DNAH17: variants seen among roughly 807,000 people sequenced by gnomAD.
DNAH17 encodes dynein axonemal heavy chain 17.
DNAH17 carries 376 observed loss-of-function variants against 485.6 expected under a neutral mutation model. That is an observed-to-expected ratio of 0.77 (90% CI 0.71 to 0.84). The LOEUF (loss-of-function observed/expected upper bound fraction) is 0.84, where lower values mean the gene tolerates loss of function less well. DNAH17 is among the 40% of genes least tolerant of loss of function. The probability of loss-of-function intolerance (pLI) is 0.00; values close to 1 mark genes in which losing one functional copy is unlikely to be tolerated. For missense variants in DNAH17, 6,370 were observed against 5,839.3 expected, an observed-to-expected ratio of 1.09 and a Z score of -2.96; for synonymous variants, 3,031 against 2,405.9, an observed-to-expected ratio of 1.26 and a Z score of -7.60.
chr17:78,546,913 A>AAG (rs1555691082), intron 16 of DNAH17, among the ~76,000 whole-genome samples: 2 of 110,752 alleles, frequency 1.8e-5, no homozygotes, highest in Non-Finnish European at 4.2e-5. Context: ...TCAAGAAAGA[A>AAG]AAAAAAAAAT....
chr17:78,456,684 G>C (rs562070126), intron 62 of DNAH17, among the ~76,000 whole-genome samples: 11 of 152,216 alleles, frequency 7.2e-5, no homozygotes, highest in Non-Finnish European at 1.6e-4. Flanking sequence ...CATGTTTGTT[G>C]CAAGTCCAGG....
At chr17:78,544,661 G>A (rs528640774) in intron 16 of DNAH17, among the ~76,000 whole-genome samples, 20 of 152,006 alleles carry the variant, frequency 1.3e-4, no homozygotes, top group South Asian at 2.1e-4. Flanking sequence ...AATTAGCCGC[G>A]CATGGTGGCG....
intron 44 of DNAH17, among the ~76,000 whole-genome samples, chr17:78,488,028 T>C (rs577331566): frequency 1.3e-3 from 196 of 152,288 alleles, no homozygotes; most frequent in Non-Finnish European, 2.4e-3. Context: ...CCAAGTCCAG[T>C]TGGTCTTCAG....
intron 14 of DNAH17, among the ~76,000 whole-genome samples, chr17:78,554,366 G>A (rs1160520184): frequency 7.4e-6 from 1 of 135,526 alleles, no homozygotes; most frequent in African/African-American, 2.8e-5. Context: ...GAACCCAGGA[G>A]GTGAAGGTTG....
intron 71 of DNAH17, among the ~76,000 whole-genome samples, chr17:78,443,424 G>A (rs189544823): frequency 1.7e-3 from 261 of 152,222 alleles, no homozygotes; most frequent in African/African-American, 5.9e-3. Flanking sequence ...AGTGACTTCT[G>A]GCTTCATTCC....
chr17:78,444,460 G>T, intron 71 of DNAH17, 144 bp downstream of exon 71: 1 of 764,590 alleles, frequency 1.3e-6, no homozygotes, highest in Non-Finnish European at 2.0e-6. Flanking sequence ...TCTAAGCCCT[G>T]TTTCGTTTCT....
chr17:78,475,937 C>A, intron 52 of DNAH17, 104 bp from the exon 53 acceptor site: 4 of 1,304,640 alleles, frequency 3.1e-6, no homozygotes, highest in Non-Finnish European at 4.1e-6. Context: ...TAGGAGGTCA[C>A]CACGGGGTCC....
Position 78,502,294 on chromosome 17 carries a change from T to C in DNAH17, c.5190+297A>G, listed in dbSNP as rs573411982. Reference sequence around the variant, plus strand: ...TTTTCAAGATGATCTTTTGTTTCCATATTTCTAACCAAGGACATTTTTTTT... The same window carrying C: ...TTTTCAAGATGATCTTTTGTTTCCACATTTCTAACCAAGGACATTTTTTTT... On this transcript the variant is annotated intron_variant, in intron 33 of 80. Coordinates refer to ENST00000389840, the MANE Select transcript of DNAH17 (RefSeq NM_173628.4). 404 of 351,314 alleles carry C rather than the reference T, an allele frequency of 1.1e-3. 2 individuals are homozygous for C. Among genetic ancestry groups the C allele is most frequent in the African/African-American group, 8.2e-3 (384 of 46,698 alleles). The allele number at this position is 351,314 out of a possible 1,614,324, so 21.8% of individuals were successfully genotyped here.
chr17:78,468,959 GA>G (rs1361728152), intron 54 of DNAH17, 76 bp from the exon 55 acceptor site: 53 of 1,514,424 alleles, frequency 3.5e-5, no homozygotes, highest in Non-Finnish European at 4.6e-5. Context: ...CAACCAACCA[GA>G]GCACAGGGCC....
Position 78,455,820 on chromosome 17 carries a change from C to A in DNAH17, c.9994G>T (p.Ala3332Ser). The A allele has an allele frequency of 6.2e-7, 1 of 1,604,228 alleles. No individual in the cohort carries two copies. Among genetic ancestry groups the A allele is most frequent in the East Asian group, 2.3e-5 (1 of 44,436 alleles). ...TCAGCCCAGCGGATGTTTTCCGATG[C>A]TAATCCCCCGACCAGCCTAAAGTGG... ...LLANRLVGGLASENIRWAESV... is the reference protein window; with the variant it reads ...LLANRLVGGLSSENIRWAESV... The change falls in exon 63 of 81, where the codon GCA becomes TCA. Residue 3332 changes from alanine (A) to serine (S), a missense_variant. By Grantham distance (99) the Ala-to-Ser change is moderately conservative (BLOSUM62 1). Coordinates refer to ENST00000389840, the MANE Select transcript of DNAH17 (RefSeq NM_173628.4).
chr17:78,538,483 T>C (rs1251283740), intron 18 of DNAH17, among the ~76,000 whole-genome samples: 1 of 152,124 alleles, frequency 6.6e-6, no homozygotes, highest in Admixed American at 6.5e-5. Context: ...GACCTGTGGG[T>C]TATGAGCTTT....
Position 78,458,996 on chromosome 17 carries a change from C to T in DNAH17, c.9861+5G>A. Reference sequence around the variant, plus strand: ...TCGCAGGGACGGGAGCGAGCCGGCACTTACGGCAATCTTGTTTTTGATCCG... The same window carrying T: ...TCGCAGGGACGGGAGCGAGCCGGCATTTACGGCAATCTTGTTTTTGATCCG... On this transcript the variant is annotated splice_donor_5th_base_variant and intron_variant, in intron 61 of 80. Transcript: ENST00000389840. 1 of 1,614,006 alleles carries T rather than the reference C, an allele frequency of 6.2e-7. No homozygotes were observed. The highest frequency in any genetic ancestry group is 8.5e-7 in the Non-Finnish European group (1 of 1,179,890).
At chr17:78,471,353 G>T (rs966622234) in intron 54 of DNAH17, among the ~76,000 whole-genome samples, 7 of 152,228 alleles carry the variant, frequency 4.6e-5, no homozygotes, top group African/African-American at 1.7e-4. Flanking sequence ...TGGGCCGCAG[G>T]TGGGACTTGA....
chr17:78,483,392 G>A (rs1158333817), intron 48 of DNAH17, among the ~76,000 whole-genome samples: 2 of 152,208 alleles, frequency 1.3e-5, no homozygotes, highest in Non-Finnish European at 2.9e-5. Context: ...CACTTTGGGA[G>A]CCCGAGGCGG....
chr17:78,475,554 T>C lies in DNAH17; in HGVS notation c.8320-85A>G. 3.1e-6 allele frequency: 5 copies of C among 1,601,142 alleles called. No homozygotes were observed. The Admixed American group carries it at 5.1e-5, about 16-fold the overall frequency. On this transcript the variant is annotated intron_variant, in intron 53 of 80. Coordinates refer to ENST00000389840, the MANE Select transcript of DNAH17 (RefSeq NM_173628.4). ...AGCACGGACTCTGCACATGCTGAGG[T>C]GTGCACTGTGTGCCACGCAGCCCCA...
intron 54 of DNAH17, chr17:78,472,588 C>A: frequency 2.8e-6 from 1 of 355,474 alleles, no homozygotes; most frequent in Non-Finnish European, 5.8e-6. Flanking sequence ...GAAGGTTTCA[C>A]AGAAATAAAA....
chr17:78,544,037 G>T (rs373299270), intron 16 of DNAH17, 40 bp from the exon 17 acceptor site: 3 of 1,612,682 alleles, frequency 1.9e-6, no homozygotes, highest in Non-Finnish European at 2.5e-6. Flanking sequence ...GTGTTCTGGA[G>T]AAACTGCTTT....
rs534994820 is a variant in DNAH17, at chr17:78,523,399, C to G, written c.3864+1610G>C. On this transcript the variant is annotated intron_variant, in intron 25 of 80. Coordinates refer to ENST00000389840, the MANE Select transcript of DNAH17 (RefSeq NM_173628.4). ...TTGGCCTCCCAAAGTGCTGGGATTA[C>G]AGGCGTGAGCCACCCCGCCTGGCCT... 1.5e-3 allele frequency among the ~76,000 whole-genome samples: 229 copies of G among 152,218 alleles called. 1 individual carries two copies. The highest frequency in any genetic ancestry group is 5.3e-3 in the African/African-American group (220 of 41,552).
Position 78,570,231 on chromosome 17 carries a change from G to T in DNAH17, c.1044+16C>A, listed in dbSNP as rs1415466034. 53 of 1,570,032 alleles carry T rather than the reference G, an allele frequency of 3.4e-5. No homozygotes were observed. Among genetic ancestry groups the T allele is most frequent in the Non-Finnish European group, 4.6e-5 (53 of 1,157,044 alleles). ...AGGAGGGGAGGAAGGGGACCCAGGGGCCAGGGGAGGGTTACCATCTCGATG... is the reference window on the plus strand; with the variant it reads ...AGGAGGGGAGGAAGGGGACCCAGGGTCCAGGGGAGGGTTACCATCTCGATG... On this transcript the variant is annotated intron_variant, in intron 7 of 80. Transcript: ENST00000389840.
Sources: allele counts gnomAD v4.1 joint callset (sites outside exome capture counted in the v4.1 genomes callset), GRCh38; gene constraint gnomAD v4.1.1; transcripts MANE v1.5; gene names NCBI Gene and HGNC (gene_info 2026-07-23, HGNC 2026-07-21).